The following PAMR1 variants were observed in gnomAD, a reference collection of about 807,000 sequenced individuals.
The protein encoded by PAMR1 is peptidase domain containing associated with muscle regeneration 1, also known as inactive serine protease PAMR1.
A neutral mutation model predicts 81.8 loss-of-function variants in PAMR1; 88 were observed. The observed-to-expected ratio is 1.08, with a 90% CI of 0.91 to 1.28. The LOEUF (loss-of-function observed/expected upper bound fraction) is 1.28, where lower values mean the gene tolerates loss of function less well. Ranked by LOEUF, PAMR1 falls within the 50% of genes most tolerant of loss-of-function variation. The probability of loss-of-function intolerance (pLI) is 0.00; values close to 1 mark genes in which losing one functional copy is unlikely to be tolerated. For missense variants in PAMR1, 935 were observed against 919.7 expected, an observed-to-expected ratio of 1.02 and a Z score of -0.21; for synonymous variants, 336 against 345.3, an observed-to-expected ratio of 0.97 and a Z score of 0.30.
rs756227035 is a variant in PAMR1, at chr11:35,494,240, C to A, written c.106G>T (p.Ala36Ser). The change falls in exon 2 of 11, where the codon GCA (alanine) becomes TCA (serine). Residue 36 changes from alanine to serine, a missense_variant. Coordinates refer to ENST00000619888, the MANE Select transcript of PAMR1 (RefSeq NM_001001991.3). Reference sequence around the variant, plus strand: ...TCCCGACACATGATATTCCACTCTGCTCCAGGGCAGGCTTCATTAATGACT... The same window carrying A: ...TCCCGACACATGATATTCCACTCTGATCCAGGGCAGGCTTCATTAATGACT... ...YTVINEACPG[A>S]EWNIMCRECC... 6.2e-7 allele frequency: 1 copy of A among 1,614,210 alleles called. No homozygotes were observed. The highest frequency in any genetic ancestry group is 8.5e-7 in the Non-Finnish European group (1 of 1,180,028).
At chr11:35,492,006 G>A (rs781305204) in intron 3 of PAMR1, 39 bp downstream of exon 3, 1 of 1,568,172 alleles carries the variant, frequency 6.4e-7, no homozygotes, top group Non-Finnish European at 8.7e-7. Context: ...CTTTAAGACA[G>A]TGTGCACTAG....
intron 5 of PAMR1, 94 bp downstream of exon 5, chr11:35,470,507 A>T: frequency 2.1e-6 from 2 of 949,000 alleles, no homozygotes; most frequent in Non-Finnish European, 3.3e-6. Context: ...ACTAGGTTTT[A>T]ATAAGGATGA....
At chr11:35,476,939 T>C (rs1018532734) in intron 3 of PAMR1, among the ~76,000 whole-genome samples, 1 of 152,212 alleles carries the variant, frequency 6.6e-6, no homozygotes, top group Admixed American at 6.5e-5. Flanking sequence ...AGAAGGCTCA[T>C]CTTCTTCTGC....
intron 3 of PAMR1, among the ~76,000 whole-genome samples, chr11:35,481,105 T>C (rs372404416): frequency 1.7e-3 from 259 of 152,358 alleles, no homozygotes; most frequent in African/African-American, 5.8e-3. Context: ...CAGTCTATCA[T>C]TGATGGGCAT....
At chr11:35,519,677 C>CT (rs148959196) in intron 1 of PAMR1, among the ~76,000 whole-genome samples, 29 of 152,320 alleles carry the variant, frequency 1.9e-4, no homozygotes, top group African/African-American at 6.7e-4. Flanking sequence ...GCTGATGCCT[C>CT]TGTCTTTTTC....
At chr11:35,507,525 G>C (rs1850987530) in intron 1 of PAMR1, among the ~76,000 whole-genome samples, 1 of 152,074 alleles carries the variant, frequency 6.6e-6, no homozygotes, top group Non-Finnish European at 1.5e-5. Context: ...TGAATTAATA[G>C]TCTGTGTTAT....
chr11:35,441,904 C>A (rs1447041223), intron 6 of PAMR1, among the ~76,000 whole-genome samples: 3 of 152,160 alleles, frequency 2.0e-5, no homozygotes, highest in African/African-American at 7.2e-5. Context: ...TGAAAAATCT[C>A]ATTCTATATA....
chr11:35,432,093 T>G lies in PAMR1; in HGVS notation c.*263A>C. The G allele has an allele frequency of 2.2e-6, 1 of 462,380 alleles. No homozygotes were observed. The allele number at this position is 462,380 out of a possible 1,614,324, so 28.6% of individuals were successfully genotyped here. Reference sequence around the variant, plus strand: ...CACCAGGTCAGTGGAGTGGAGAGGTTTTGTATATGGTCTTCTTTGAAGAAA... The same window carrying G: ...CACCAGGTCAGTGGAGTGGAGAGGTGTTGTATATGGTCTTCTTTGAAGAAA... On this transcript the variant is annotated 3_prime_UTR_variant, in exon 11 of 11. Coordinates refer to ENST00000619888, the MANE Select transcript of PAMR1 (RefSeq NM_001001991.3).
At chr11:35,511,893 G>A (rs548006938) in intron 1 of PAMR1, among the ~76,000 whole-genome samples, 1 of 152,142 alleles carries the variant, frequency 6.6e-6, no homozygotes, top group Non-Finnish European at 1.5e-5. Context: ...AGTCAGAGGC[G>A]ACAGATTGCT....
chr11:35,439,694 C>T lies in PAMR1; in HGVS notation c.1034-1G>A, dbSNP rs752624306. ...TCTGAAATCTTTGGTTCTCGGCAGG[C>T]TAGAAATAAAAAAGACAATGCTGCA... On this transcript the variant is annotated splice_acceptor_variant, in intron 7 of 10. Transcript: ENST00000619888. LOFTEE classifies it high-confidence loss of function. 1 of 1,612,780 alleles carries T rather than the reference C, an allele frequency of 6.2e-7. No homozygotes were observed. The highest frequency in any genetic ancestry group is 2.2e-5 in the East Asian group (1 of 44,876).
chr11:35,433,910 A>G (rs1855974112), intron 10 of PAMR1, among the ~76,000 whole-genome samples: 1 of 152,208 alleles, frequency 6.6e-6, no homozygotes, highest in African/African-American at 2.4e-5. Context: ...GTGGGGGAAT[A>G]AAAGACAGGG....
intron 1 of PAMR1, among the ~76,000 whole-genome samples, chr11:35,521,390 C>T (rs1241934943): frequency 1.3e-5 from 2 of 152,162 alleles, no homozygotes; most frequent in African/African-American, 4.8e-5. Context: ...CTGTCCCATC[C>T]CTCTCAGAAA....
At chr11:35,511,327 T>C (rs1851068832) in intron 1 of PAMR1, among the ~76,000 whole-genome samples, 1 of 152,238 alleles carries the variant, frequency 6.6e-6, no homozygotes, top group Admixed American at 6.5e-5. Flanking sequence ...CGTCTGCAAG[T>C]GCAATGTCTT....
At chr11:35,435,222 C>CTAAA (rs536579909) in intron 9 of PAMR1, among the ~76,000 whole-genome samples, 161 of 152,256 alleles carry the variant, frequency 1.1e-3, no homozygotes, top group South Asian at 4.6e-3. Flanking sequence ...CCACAATGAA[C>CTAAA]TAAATCATAT....
intron 10 of PAMR1, 128 bp downstream of exon 10, chr11:35,434,384 C>A: frequency 2.5e-6 from 2 of 804,474 alleles, no homozygotes; most frequent in Non-Finnish European, 4.0e-6. Context: ...ATGAACGCTG[C>A]TATATGCGAG....
chr11:35,523,795 C>T (rs1000017741), intron 1 of PAMR1, among the ~76,000 whole-genome samples: 3 of 152,204 alleles, frequency 2.0e-5, no homozygotes, highest in Non-Finnish European at 4.4e-5. Flanking sequence ...ACACATGAAG[C>T]TGCGCTCTGG....
intron 1 of PAMR1, among the ~76,000 whole-genome samples, chr11:35,502,141 C>T (rs1052490707): frequency 6.6e-6 from 1 of 152,018 alleles, no homozygotes; most frequent in Non-Finnish European, 1.5e-5. Flanking sequence ...TATCTCATGG[C>T]GGTTTTCATT....
intron 6 of PAMR1, among the ~76,000 whole-genome samples, chr11:35,446,286 A>C (rs541098477): frequency 1.5e-4 from 23 of 152,276 alleles, no homozygotes; most frequent in African/African-American, 5.5e-4. Context: ...TCAAAAAACC[A>C]GCTCCTGGAT....
chr11:35,487,056 A>G (rs1345670075), intron 3 of PAMR1, among the ~76,000 whole-genome samples: 1 of 152,064 alleles, frequency 6.6e-6, no homozygotes, highest in East Asian at 1.9e-4. Context: ...CCACCCTGAG[A>G]AGAGCATCCC....
Sources: gnomAD v4.1 joint callset for allele counts (sites outside exome capture counted in the v4.1 genomes callset) on GRCh38, gnomAD v4.1.1 for gene constraint, MANE v1.5 for transcripts, NCBI Gene and HGNC (gene_info 2026-07-23, HGNC 2026-07-21) for gene names.